OCSTAMP: variants seen among roughly 807,000 people sequenced by gnomAD.
The protein encoded by OCSTAMP is osteoclast stimulatory transmembrane protein.
Under a neutral mutation model 25.2 loss-of-function variants are expected in OCSTAMP, and 17 were observed. The observed-to-expected ratio is 0.68, with a 90% confidence interval of 0.46 to 1.01. The LOEUF (loss-of-function observed/expected upper bound fraction) is 1.01. Ranked by LOEUF, OCSTAMP falls within the 50% of genes least tolerant of loss-of-function variation. OCSTAMP has a pLI of 0.00. For missense variants in OCSTAMP, 664 were observed against 694.6 expected, an observed-to-expected ratio of 0.96 and a Z score of 0.50; for synonymous variants, 345 against 318.9, an observed-to-expected ratio of 1.08 and a Z score of -0.87.
rs369375054 is a variant in OCSTAMP at position 46,545,027 on chromosome 20, T to C, written c.1047+300A>G. On this transcript the variant is annotated intron_variant, in intron 2 of 2. Transcript: ENST00000279028. ...GGAGGATCGATTCAATTTGTACAAATGTGGAAAATGAGGCTAGGACAAGCT... is the reference window on the plus strand; with the variant it reads ...GGAGGATCGATTCAATTTGTACAAACGTGGAAAATGAGGCTAGGACAAGCT... 7.2e-5 allele frequency among the ~76,000 whole-genome samples: 11 copies of C among 152,284 alleles called. No homozygotes were observed. In the East Asian group the frequency reaches 1.5e-3, roughly 21 times the overall value.
chr20:46,546,280 C>G lies in OCSTAMP; in HGVS notation c.94G>C (p.Ala32Pro), dbSNP rs527621890. ...GFWKALAPLQAAWDAFSQPVP... is the reference protein window; with the variant it reads ...GFWKALAPLQPAWDAFSQPVP... ...GGCTGGGAGAAGGCGTCCCAGGCAG[C>G]CTGCAGTGGGGCAAGGGCCTTCCAG... Residue 32 changes from alanine (A) to proline (P), a missense_variant, in exon 2 of 3, where the codon GCT (alanine) becomes CCT (proline). Physicochemically the swap from Ala to Pro is conservative, Grantham distance 27. Transcript: ENST00000279028. 6.4e-7 allele frequency: 1 copy of G among 1,550,388 alleles called. No individual in the cohort carries two copies.
At chr20:46,542,293 G>A (rs2061837194) in intron 2 of OCSTAMP, among the ~76,000 whole-genome samples, 1 of 152,100 alleles carries the variant, frequency 6.6e-6, no homozygotes, top group African/African-American at 2.4e-5. Flanking sequence ...TAAAAGATGG[G>A]AAGTGGCCAG....
intron 1 of OCSTAMP, among the ~76,000 whole-genome samples, chr20:46,548,368 C>A (rs749362284): frequency 1.3e-5 from 2 of 152,174 alleles, no homozygotes; most frequent in Non-Finnish European, 2.9e-5. Flanking sequence ...CTGATATGTC[C>A]CAAGTGCCTA....
Position 46,546,112 on chromosome 20 carries a change from A to C in OCSTAMP, c.262T>G (p.Cys88Gly). 1 of 1,551,798 alleles carries C rather than the reference A, an allele frequency of 6.4e-7. No homozygotes were observed. Among genetic ancestry groups the C allele is most frequent in the Non-Finnish European group, 8.7e-7 (1 of 1,147,004 alleles). Residue 88 changes from cysteine (C) to glycine (G), a missense_variant, in exon 2 of 3, where the codon TGT (cysteine) becomes GGT (glycine). Transcript: ENST00000279028. ...PGPSAMVATV[C>G]GLLVFLSLGL... ...AGGCTCAGGAAGACCAGGAGGCCAC[A>C]GACAGTGGCAACCATGGCTGAAGGT...
At position 46,545,716 on chromosome 20, in the gene OCSTAMP, C is replaced by T; in HGVS notation, c.658G>A (p.Ala220Thr). The change falls in exon 2 of 3, where the codon GCA becomes ACA. Residue 220 changes from alanine (A) to threonine (T), a missense_variant. Physicochemically the swap from Ala to Thr is moderately conservative, Grantham distance 58. Coordinates refer to ENST00000279028, the MANE Select transcript of OCSTAMP (RefSeq NM_080721.3). ...DFSGLESLAR[A>T]AALGTQRVVT... is the part of the protein sequence containing the mutation. ...ACTCGCTGGGTCCCTAGCGCTGCTG[C>T]CCGGGCCAGGGACTCCAGGCCAGAG... The T allele has an allele frequency of 1.9e-6, 3 of 1,551,656 alleles. No individual in the cohort carries two copies. The highest frequency in any genetic ancestry group is 2.6e-6 in the Non-Finnish European group (3 of 1,146,986).
chr20:46,542,211 C>T (rs968977851), intron 2 of OCSTAMP, among the ~76,000 whole-genome samples: 13 of 152,168 alleles, frequency 8.5e-5, no homozygotes, highest in Non-Finnish European at 1.6e-4. Context: ...TGAGTCCTTA[C>T]TGAATACTTT....
intron 1 of OCSTAMP, among the ~76,000 whole-genome samples, chr20:46,547,044 T>G (rs1402147677): frequency 6.6e-6 from 1 of 151,992 alleles, no homozygotes; most frequent in Non-Finnish European, 1.5e-5. Context: ...GTTGGCAGAG[T>G]CAACAAGATT....
At chr20:46,544,597 C>T (rs1315759128) in intron 2 of OCSTAMP, among the ~76,000 whole-genome samples, 3 of 152,202 alleles carry the variant, frequency 2.0e-5, no homozygotes, top group Non-Finnish European at 4.4e-5. Context: ...AAACACAACT[C>T]TTGATCTGAT....
chr20:46,546,115 C>G lies in OCSTAMP; in HGVS notation c.259G>C (p.Val87Leu). Residue 87 changes from valine (V) to leucine (L), a missense_variant, in exon 2 of 3, where the codon GTC becomes CTC. Val to Leu is a conservative substitution (Grantham distance 32). Coordinates refer to ENST00000279028, the MANE Select transcript of OCSTAMP (RefSeq NM_080721.3). ...PPGPSAMVATVCGLLVFLSLG... is the reference protein window; with the variant it reads ...PPGPSAMVATLCGLLVFLSLG... ...CTCAGGAAGACCAGGAGGCCACAGA[C>G]AGTGGCAACCATGGCTGAAGGTCCA... 1.3e-6 allele frequency: 2 copies of G among 1,551,794 alleles called. No individual in the cohort carries two copies. Among genetic ancestry groups the G allele is most frequent in the Non-Finnish European group, 1.7e-6 (2 of 1,147,024 alleles).
Position 46,541,056 on chromosome 20 carries a change from A to T in OCSTAMP, c.*218T>A, listed in dbSNP as rs1176584827. ...TAAGATTTAATAAATACGTTTATTTATAAAATTAAAACTATGGGTTACTAT... is the reference window on the plus strand; with the variant it reads ...TAAGATTTAATAAATACGTTTATTTTTAAAATTAAAACTATGGGTTACTAT... On this transcript the variant is annotated 3_prime_UTR_variant, in exon 3 of 3. Transcript: ENST00000279028. 4.0e-6 allele frequency: 2 copies of T among 493,942 alleles called. No homozygotes were observed. Among genetic ancestry groups the T allele is most frequent in the Non-Finnish European group, 7.2e-6 (2 of 279,120 alleles). 30.6% of individuals were successfully genotyped at this position (493,942 alleles called of 1,614,324 possible).
At chr20:46,546,398 T>C (rs1276166456) in intron 1 of OCSTAMP, 69 bp from the exon 2 acceptor site, 13 of 1,327,058 alleles carry the variant, frequency 9.8e-6, no homozygotes, top group Non-Finnish European at 1.3e-5. Context: ...CCACTGCCCC[T>C]GCCCCACATA....
rs954678171 is a variant in OCSTAMP, at chr20:46,545,669, C to T, written c.705G>A (p.Leu235=). 1.3e-6 allele frequency: 2 copies of T among 1,551,466 alleles called. No individual in the cohort carries two copies. The highest frequency in any genetic ancestry group is 1.7e-6 in the Non-Finnish European group (2 of 1,146,940). Residue 235 remains leucine, a synonymous_variant, in exon 2 of 3, where the codon TTG becomes TTA. Coordinates refer to ENST00000279028, the MANE Select transcript of OCSTAMP (RefSeq NM_080721.3). ...TQRVVTGLFM[L]GLLVESAWYL... is the part of the protein sequence containing the mutation. ...ACCATGCCGACTCCACCAGGAGGCC[C>T]AACATAAACAGCCCTGTGACCACTC...
rs1018082831 is a variant in OCSTAMP at position 46,545,384 on chromosome 20, A to T, written c.990T>A (p.Thr330=). 3 of 1,532,848 alleles carry T rather than the reference A, an allele frequency of 2.0e-6. No homozygotes were observed. Among genetic ancestry groups the T allele is most frequent in the Non-Finnish European group, 2.6e-6 (3 of 1,139,678 alleles). 95.0% of individuals were successfully genotyped at this position (1,532,848 alleles called of 1,614,324 possible). A position where few individuals can be genotyped will look rare whatever the true frequency, so the allele number is the denominator to read the frequency against. ...DHVAFLLAQA[T]VDWAQKLPTV... The stretch of plus-strand genomic sequence containing the variant: ...TTGGCAACTTCTGAGCCCAGTCCAC[A>T]GTAGCCTGTGCCAGGAGGAAGGCTA... The change falls in exon 2 of 3, where the codon ACT becomes ACA. Residue 330 remains threonine (T), a synonymous_variant. Transcript: ENST00000279028.
At position 46,545,373 on chromosome 20, in the gene OCSTAMP, G is replaced by T; in HGVS notation, c.1001C>A (p.Ala334Asp). ...FLLAQATVDW[A>D]QKLPTVPITL... is the part of the protein sequence containing the mutation. ...GATGGGCACAGTTGGCAACTTCTGA[G>T]CCCAGTCCACAGTAGCCTGTGCCAG... Residue 334 changes from alanine to aspartate, a missense_variant, in exon 2 of 3, where the codon GCT (alanine) becomes GAT (aspartate). Physicochemically the swap from Ala to Asp is moderately radical, Grantham distance 126. Transcript: ENST00000279028. 6.6e-7 allele frequency: 1 copy of T among 1,513,750 alleles called. No homozygotes were observed. The highest frequency in any genetic ancestry group is 2.3e-5 in the Admixed American group (1 of 42,696). The allele number at this position is 1,513,750 out of a possible 1,614,324, so 93.8% of individuals were successfully genotyped here.
In OCSTAMP at chr20:46,541,600, G is replaced by C; in HGVS notation, c.1375C>G (p.Gln459Glu). 6.4e-7 allele frequency: 1 copy of C among 1,551,650 alleles called. No homozygotes were observed. The highest frequency in any genetic ancestry group is 8.7e-7 in the Non-Finnish European group (1 of 1,146,994). Reference sequence around the variant, plus strand: ...GAAGGATCCCCTAGGGGCAGCTGCTGGCCTTGGTGCCTGTCGTGTCTTCGC... The same window carrying C: ...GAAGGATCCCCTAGGGGCAGCTGCTCGCCTTGGTGCCTGTCGTGTCTTCGC... Reference protein sequence around the residue: ...LQRRHDRHQGQQLPLGDPSCV... With the variant: ...LQRRHDRHQGEQLPLGDPSCV... The change falls in exon 3 of 3, where the codon CAG becomes GAG. Residue 459 changes from glutamine to glutamate, a missense_variant. Coordinates refer to ENST00000279028, the MANE Select transcript of OCSTAMP (RefSeq NM_080721.3).
chr20:46,543,581 C>A (rs542310869), intron 2 of OCSTAMP, among the ~76,000 whole-genome samples: 3 of 152,126 alleles, frequency 2.0e-5, no homozygotes, highest in Non-Finnish European at 4.4e-5. Flanking sequence ...ATCCACCCAC[C>A]TCGGCCTCCC....
At chr20:46,543,189 T>A (rs188063572) in intron 2 of OCSTAMP, among the ~76,000 whole-genome samples, 119 of 150,894 alleles carry the variant, frequency 7.9e-4, no homozygotes, top group Admixed American at 1.8e-3. Flanking sequence ...CCTCCCTCTC[T>A]CTCTCATTCC....
chr20:46,547,083 A>G (rs1211082958), intron 1 of OCSTAMP, among the ~76,000 whole-genome samples: 2 of 152,068 alleles, frequency 1.3e-5, no homozygotes, highest in African/African-American at 2.4e-5. Context: ...GTGGGGTGTG[A>G]GAGAAAGAGG....
At chr20:46,542,099 C>T (rs1243870908) in intron 2 of OCSTAMP, among the ~76,000 whole-genome samples, 172 bp from the exon 3 acceptor site, 1 of 152,162 alleles carries the variant, frequency 6.6e-6, no homozygotes, top group Non-Finnish European at 1.5e-5. Flanking sequence ...GAAACAGGTT[C>T]TTTTGCCAAA....
Sources: gnomAD v4.1 joint callset for allele counts (sites outside exome capture counted in the v4.1 genomes callset) on GRCh38, gnomAD v4.1.1 for gene constraint, MANE v1.5 for transcripts, NCBI Gene and HGNC (gene_info 2026-07-23, HGNC 2026-07-21) for gene names.